The following FHIT variants were observed in gnomAD, a reference collection of about 807,000 sequenced individuals.
The protein encoded by FHIT is fragile histidine triad diadenosine triphosphatase, also known as bis(5'-adenosyl)-triphosphatase.
Under a neutral mutation model 17.9 loss-of-function variants are expected in FHIT, and 19 were observed. The ratio of observed to expected loss-of-function variants is 1.06; its 90% CI spans 0.74 to 1.56. FHIT has a LOEUF of 1.56. FHIT is among the 40% of genes most tolerant of loss of function. FHIT has a pLI of 0.00. For missense variants in FHIT, 248 were observed against 189.2 expected, an observed-to-expected ratio of 1.31 and a Z score of -1.82; for synonymous variants, 81 against 69.7, an observed-to-expected ratio of 1.16 and a Z score of -0.81.
intron 4 of FHIT, among the ~76,000 whole-genome samples, chr3:60,697,969 A>G (rs2041152579): frequency 6.6e-6 from 1 of 152,322 alleles, no homozygotes; most frequent in African/African-American, 2.4e-5. Context: ...TCAAATAGGT[A>G]AAATGGATGC....
At chr3:59,764,999 C>T (rs759192692) in intron 8 of FHIT, among the ~76,000 whole-genome samples, 9 of 152,102 alleles carry the variant, frequency 5.9e-5, no homozygotes, top group Non-Finnish European at 1.2e-4. Flanking sequence ...AAGCAATACC[C>T]TCACCTTTCT....
intron 2 of FHIT, among the ~76,000 whole-genome samples, chr3:61,151,710 G>A (rs1014064889): frequency 6.6e-6 from 1 of 151,784 alleles, no homozygotes; most frequent in African/African-American, 2.4e-5. Flanking sequence ...TGGGATTACA[G>A]GCACATGCGG....
chr3:60,038,824 C>T (rs1223958486), intron 5 of FHIT, among the ~76,000 whole-genome samples: 3 of 152,126 alleles, frequency 2.0e-5, no homozygotes, highest in Non-Finnish European at 2.9e-5. Flanking sequence ...AACTGAACAA[C>T]AATCAAATTT....
chr3:59,780,621 T>G (rs1005094865), intron 8 of FHIT, among the ~76,000 whole-genome samples: 2 of 152,150 alleles, frequency 1.3e-5, no homozygotes, highest in East Asian at 3.9e-4. Flanking sequence ...TGATTAGGGT[T>G]AGATGAGGTC....
At chr3:60,206,801 C>A (rs1319444070) in intron 5 of FHIT, among the ~76,000 whole-genome samples, 3 of 151,958 alleles carry the variant, frequency 2.0e-5, no homozygotes, top group African/African-American at 7.2e-5. Flanking sequence ...AGAGGCTGCC[C>A]TTTAAAAATC....
intron 5 of FHIT, among the ~76,000 whole-genome samples, chr3:60,062,785 TGAGA>T (rs571044050): frequency 6.6e-6 from 1 of 152,184 alleles, no homozygotes; most frequent in Non-Finnish European, 1.5e-5. Flanking sequence ...TTTTTTGGTT[TGAGA>T]AAGAATCTTC....
chr3:60,096,568 C>G (rs980272785), intron 5 of FHIT, among the ~76,000 whole-genome samples: 2 of 152,234 alleles, frequency 1.3e-5, no homozygotes, highest in Non-Finnish European at 2.9e-5. Context: ...GGGGACTCAC[C>G]TCTATCTGAC....
intron 7 of FHIT, among the ~76,000 whole-genome samples, chr3:59,986,492 G>A (rs1335578553): frequency 8.0e-6 from 1 of 124,292 alleles, no homozygotes. Context: ...TGAGAAAGTA[G>A]TCCAAAATAT....
intron 8 of FHIT, among the ~76,000 whole-genome samples, chr3:59,829,515 T>C (rs941893429): frequency 2.0e-5 from 3 of 152,200 alleles, no homozygotes; most frequent in Admixed American, 2.0e-4. Context: ...GCCTTACTCA[T>C]AGCACTGATA....
chr3:60,293,071 G>A (rs996147883), intron 5 of FHIT, among the ~76,000 whole-genome samples: 13 of 152,078 alleles, frequency 8.5e-5, no homozygotes, highest in African/African-American at 3.1e-4. Context: ...AGCTTTCAGA[G>A]CATAAAAATG....
intron 2 of FHIT, among the ~76,000 whole-genome samples, chr3:61,136,846 C>G (rs545556790): frequency 6.8e-4 from 104 of 152,134 alleles, no homozygotes; most frequent in Non-Finnish European, 1.1e-3. Context: ...ACATGGAAAA[C>G]CTTTTTAATC....
intron 5 of FHIT, among the ~76,000 whole-genome samples, chr3:60,327,244 G>C (rs1361966293): frequency 6.6e-6 from 1 of 152,154 alleles, no homozygotes; most frequent in Admixed American, 6.5e-5. Flanking sequence ...AAGTTGTTTT[G>C]TTCACTGCTG....
chr3:60,832,085 A>C (rs1330792811), intron 3 of FHIT, among the ~76,000 whole-genome samples: 1 of 152,134 alleles, frequency 6.6e-6, no homozygotes, highest in Non-Finnish European at 1.5e-5. Flanking sequence ...TAATAATAAT[A>C]GGCAGCATTT....
intron 1 of FHIT, among the ~76,000 whole-genome samples, chr3:61,212,238 A>G (rs1011586038): frequency 7.2e-5 from 11 of 152,340 alleles, no homozygotes; most frequent in African/African-American, 2.4e-4. Context: ...AAAGACAAAG[A>G]AGTTAAAAAC....
chr3:60,657,288 G>C (rs546932613), intron 4 of FHIT, among the ~76,000 whole-genome samples: 1 of 152,106 alleles, frequency 6.6e-6, no homozygotes, highest in Non-Finnish European at 1.5e-5. Flanking sequence ...ACTGACATTT[G>C]GAGAGTTCTC....
intron 4 of FHIT, among the ~76,000 whole-genome samples, chr3:60,791,469 A>G (rs1398389845): frequency 1.3e-5 from 2 of 152,198 alleles, no homozygotes; most frequent in Non-Finnish European, 2.9e-5. Flanking sequence ...AGCATAAGCT[A>G]AATGACTACC....
intron 7 of FHIT, among the ~76,000 whole-genome samples, chr3:60,010,240 C>G (rs189775728): frequency 6.6e-6 from 1 of 152,282 alleles, no homozygotes; most frequent in East Asian, 1.9e-4. Context: ...TATTTAGAGC[C>G]TCACATGGAG....
At chr3:60,324,218 G>T (rs1180879674) in intron 5 of FHIT, among the ~76,000 whole-genome samples, 1 of 152,092 alleles carries the variant, frequency 6.6e-6, no homozygotes, top group Non-Finnish European at 1.5e-5. Flanking sequence ...CTCTCTGCTA[G>T]TAACAGCCAA....
chr3:60,653,057 G>C (rs181713023), intron 4 of FHIT, among the ~76,000 whole-genome samples: 3 of 152,042 alleles, frequency 2.0e-5, no homozygotes, highest in Non-Finnish European at 2.9e-5. Context: ...CTTAAAAATA[G>C]ACCGCAACAA....
Sources: allele counts gnomAD v4.1 joint callset (sites outside exome capture counted in the v4.1 genomes callset), GRCh38; gene constraint gnomAD v4.1.1; transcripts MANE v1.5; gene names NCBI Gene and HGNC (gene_info 2026-07-23, HGNC 2026-07-21).